The following NEU2 variants were observed in gnomAD, a reference collection of about 807,000 sequenced individuals.
The protein encoded by NEU2 is neuraminidase 2.
A neutral mutation model predicts 6.3 loss-of-function variants in NEU2; 7 were observed. The observed-to-expected ratio is 1.12, with a 90% CI of 0.63 to 2.10. The LOEUF is 2.10. Among genes scored for constraint, NEU2 ranks in the 30% most tolerant of loss-of-function variants. The pLI is 0.00. For synonymous variants in NEU2, 208 were observed against 223.3 expected, an observed-to-expected ratio of 0.93 and a Z score of 0.61; for missense variants, 509 against 504.0, an observed-to-expected ratio of 1.01 and a Z score of -0.09.
chr2:233,034,316 G>T lies in NEU2; in HGVS notation c.402G>T (p.Arg134Ser), dbSNP rs1282062827. Residue 134 changes from arginine (R) to serine (S), a missense_variant, in exon 2 of 2, where the codon AGG becomes AGT. Physicochemically the swap from Arg to Ser is moderately radical, Grantham distance 110. Coordinates refer to ENST00000233840, the MANE Select transcript of NEU2 (RefSeq NM_005383.2). This position sits in a 1 kb window ranked among gnomAD's most constrained non-coding sequence, Gnocchi z 4.8. ...AAGTCACCAGCACTGACCACGGGAG[G>T]ACCTGGAGCTCCCCCAGAGACCTCA... ...LCQVTSTDHG[R>S]TWSSPRDLTD... is the part of the protein sequence containing the mutation. The T allele has an allele frequency of 6.2e-7, 1 of 1,614,000 alleles. No individual in the cohort carries two copies. The highest frequency in any genetic ancestry group is 1.7e-5 in the Admixed American group (1 of 60,002).
Position 233,032,752 on chromosome 2 carries a change from C to T in NEU2, c.81C>T (p.Tyr27=), listed in dbSNP as rs763460984. The T allele has an allele frequency of 6.2e-7, 1 of 1,614,242 alleles. No individual in the cohort carries two copies. The highest frequency in any genetic ancestry group is 1.1e-5 in the South Asian group (1 of 91,090). Residue 27 remains tyrosine (Y), a synonymous_variant, in exon 1 of 2, where the codon TAC becomes TAT. Transcript: ENST00000233840. ...AHAYRIPALL[Y]LPGQQSLLAF... is the part of the protein sequence containing the mutation. ...CCTACAGAATCCCTGCCCTGCTCTA[C>T]CTGCCTGGGCAGCAGTCCCTGCTGG... is the stretch of plus-strand genomic sequence containing the variant.
rs931644840 is a variant in NEU2 at position 233,034,431 on chromosome 2, A to T, written c.517A>T (p.Ser173Cys). 23 of 1,613,798 alleles carry T rather than the reference A, an allele frequency of 1.4e-5. No homozygotes were observed. The highest frequency in any genetic ancestry group is 2.7e-5 in the African/African-American group (2 of 74,878). Reference sequence around the variant, plus strand: ...TTTGCAGCTTCACGACAGGGCCCGGAGCCTGGTGGTGCCCGCCTACGCCTA... The same window carrying T: ...TTTGCAGCTTCACGACAGGGCCCGGTGCCTGGTGGTGCCCGCCTACGCCTA... ...HCLQLHDRARSLVVPAYAYRK... is the reference protein window; with the variant it reads ...HCLQLHDRARCLVVPAYAYRK... Residue 173 changes from serine to cysteine, a missense_variant, in exon 2 of 2, where the codon AGC becomes TGC. Coordinates refer to ENST00000233840, the MANE Select transcript of NEU2 (RefSeq NM_005383.2). The surrounding 1 kb of genome is among the most constrained non-coding windows in gnomAD (Gnocchi z 4.8).
In NEU2 at chr2:233,034,726, G is replaced by C; in HGVS notation, c.812G>C (p.Gly271Ala). 1 of 1,542,430 alleles carries C rather than the reference G, an allele frequency of 6.5e-7. No individual in the cohort carries two copies. The highest frequency in any genetic ancestry group is 8.7e-7 in the Non-Finnish European group (1 of 1,144,346). The change falls in exon 2 of 2, where the codon GGC becomes GCC. Residue 271 changes from glycine to alanine, a missense_variant. Coordinates refer to ENST00000233840, the MANE Select transcript of NEU2 (RefSeq NM_005383.2). The surrounding 1 kb of genome is among the most constrained non-coding windows in gnomAD (Gnocchi z 4.8). ...VKKLVEPPPQGCQGSVISFPS... is the reference protein window; with the variant it reads ...VKKLVEPPPQACQGSVISFPS... The stretch of plus-strand genomic sequence containing the variant: ...AAGCTGGTGGAGCCGCCGCCCCAGG[G>C]CTGCCAGGGGAGCGTCATCAGCTTC...
In NEU2 at chr2:233,034,192, C is replaced by T. The variant is rs140090973; in HGVS notation, c.278C>T (p.Ala93Val). Residue 93 changes from alanine (A) to valine (V), a missense_variant, in exon 2 of 2, where the codon GCG (alanine) becomes GTG (valine). Coordinates refer to ENST00000233840, the MANE Select transcript of NEU2 (RefSeq NM_005383.2). This position sits in a 1 kb window ranked among gnomAD's most constrained non-coding sequence, Gnocchi z 4.8. ...ATGAACCCATGCCCCTTGTATGACGCGCAGACGGGGACCCTCTTCCTCTTC... is the reference window on the plus strand; with the variant it reads ...ATGAACCCATGCCCCTTGTATGACGTGCAGACGGGGACCCTCTTCCTCTTC... Reference protein sequence around the residue: ...RSMNPCPLYDAQTGTLFLFFI... With the variant: ...RSMNPCPLYDVQTGTLFLFFI... The T allele has an allele frequency of 3.9e-5, 63 of 1,614,130 alleles. No homozygotes were observed. The African/African-American group carries it at 4.9e-4, about 13-fold the overall frequency.
Position 233,034,599 on chromosome 2 carries a change from C to T in NEU2, c.685C>T (p.Gln229Ter), listed in dbSNP as rs560427591. 3.7e-6 allele frequency: 6 copies of T among 1,613,686 alleles called. No homozygotes were observed. The East Asian group carries it at 1.3e-4, about 36-fold the overall frequency. The change falls in exon 2 of 2, where the codon CAG (glutamine) becomes TAG (stop). Residue 229 changes from glutamine (Q) to a stop codon, truncating the protein, a stop_gained. Transcript: ENST00000233840. LOFTEE classifies it low-confidence loss of function (END_TRUNC). The surrounding 1 kb of genome is among the most constrained non-coding windows in gnomAD (Gnocchi z 4.8). ...CQVAEVETGE[Q>*]RVVTLNARSH... ...GGTGGCCGAAGTCGAGACTGGGGAG[C>T]AGAGGGTGGTGACCCTCAACGCGAG...
chr2:233,035,035 C>A lies in NEU2; in HGVS notation c.1121C>A (p.Pro374Gln), dbSNP rs373144878. 1 of 1,604,702 alleles carries A rather than the reference C, an allele frequency of 6.2e-7. No homozygotes were observed. The highest frequency in any genetic ancestry group is 1.3e-5 in the African/African-American group (1 of 74,822). ...FLMFTLKQAFPAEYLPQ is the reference protein window; with the variant it reads ...FLMFTLKQAFQAEYLPQ ...ATGTTCACCCTGAAGCAAGCCTTCCCAGCTGAGTACCTGCCTCAGTGAGCC... is the reference window on the plus strand; with the variant it reads ...ATGTTCACCCTGAAGCAAGCCTTCCAAGCTGAGTACCTGCCTCAGTGAGCC... The change falls in exon 2 of 2, where the codon CCA (proline) becomes CAA (glutamine). Residue 374 changes from proline to glutamine, a missense_variant. Physicochemically the swap from Pro to Gln is moderately conservative, Grantham distance 76. Transcript: ENST00000233840.
rs373489874 is a variant in NEU2, at chr2:233,034,762, G to T, written c.848G>T (p.Arg283Leu). Reference protein sequence around the residue: ...QGSVISFPSPRSGPGSPAQWL... With the variant: ...QGSVISFPSPLSGPGSPAQWL... ...AGCGTCATCAGCTTCCCCAGCCCCCGCTCGGGGCCTGGCTCCCCAGCCCAG... is the reference window on the plus strand; with the variant it reads ...AGCGTCATCAGCTTCCCCAGCCCCCTCTCGGGGCCTGGCTCCCCAGCCCAG... The change falls in exon 2 of 2, where the codon CGC becomes CTC. Residue 283 changes from arginine to leucine, a missense_variant. Transcript: ENST00000233840. This position sits in a 1 kb window ranked among gnomAD's most constrained non-coding sequence, Gnocchi z 4.8. 2.5e-5 allele frequency: 38 copies of T among 1,535,858 alleles called. No homozygotes were observed. The highest frequency in any genetic ancestry group is 1.4e-4 in the Admixed American group (7 of 49,140).
At chr2:233,032,997 C>A in intron 1 of NEU2, 125 bp downstream of exon 1, 3 of 1,037,482 alleles carry the variant, frequency 2.9e-6, no homozygotes, top group Non-Finnish European at 4.2e-6. Context: ...GGCTGTACTC[C>A]GGAGGAGAGA....
intron 1 of NEU2, among the ~76,000 whole-genome samples, chr2:233,033,665 T>C (rs943678501): frequency 6.6e-6 from 1 of 152,192 alleles, no homozygotes; most frequent in Non-Finnish European, 1.5e-5. Context: ...ATATGGAGTG[T>C]AGAAGGTGAG....
At position 233,034,418 on chromosome 2, in the gene NEU2, C is replaced by G; in HGVS notation, c.504C>G (p.His168Gln). 1.9e-6 allele frequency: 3 copies of G among 1,614,008 alleles called. No individual in the cohort carries two copies. Among genetic ancestry groups the G allele is most frequent in the Non-Finnish European group, 2.5e-6 (3 of 1,179,888 alleles). Residue 168 changes from histidine to glutamine, a missense_variant, in exon 2 of 2, where the codon CAC (histidine) becomes CAG (glutamine). By Grantham distance (24) the His-to-Gln change is conservative (BLOSUM62 0). Coordinates refer to ENST00000233840, the MANE Select transcript of NEU2 (RefSeq NM_005383.2). This position sits in a 1 kb window ranked among gnomAD's most constrained non-coding sequence, Gnocchi z 4.8. ...AVGPGHCLQLHDRARSLVVPA... is the reference protein window; with the variant it reads ...AVGPGHCLQLQDRARSLVVPA... The stretch of plus-strand genomic sequence containing the variant: ...GCCCGGGGCATTGTTTGCAGCTTCA[C>G]GACAGGGCCCGGAGCCTGGTGGTGC...
chr2:233,034,933 T>C lies in NEU2; in HGVS notation c.1019T>C (p.Met340Thr). ...GSCAYSDLQS[M>T]GTGPDGSPLF... ...TGTGCCTACTCAGACCTCCAGAGCA[T>C]GGGCACCGGCCCTGATGGGTCCCCC... The change falls in exon 2 of 2, where the codon ATG becomes ACG. Residue 340 changes from methionine to threonine, a missense_variant. By Grantham distance (81) the Met-to-Thr change is moderately conservative. Transcript: ENST00000233840. This position sits in a 1 kb window ranked among gnomAD's most constrained non-coding sequence, Gnocchi z 4.8. 6.2e-7 allele frequency: 1 copy of C among 1,614,164 alleles called. No individual in the cohort carries two copies. Among genetic ancestry groups the C allele is most frequent in the Non-Finnish European group, 8.5e-7 (1 of 1,180,028 alleles).
At position 233,034,888 on chromosome 2, in the gene NEU2, T is replaced by C; in HGVS notation, c.974T>C (p.Val325Ala). 1 of 1,614,084 alleles carries C rather than the reference T, an allele frequency of 6.2e-7. No homozygotes were observed. Among genetic ancestry groups the C allele is most frequent in the Non-Finnish European group, 8.5e-7 (1 of 1,179,988 alleles). The change falls in exon 2 of 2, where the codon GTA (valine) becomes GCA (alanine). Residue 325 changes from valine (V) to alanine (A), a missense_variant. Val to Ala is a moderately conservative substitution (Grantham distance 64). Coordinates refer to ENST00000233840, the MANE Select transcript of NEU2 (RefSeq NM_005383.2). This position sits in a 1 kb window ranked among gnomAD's most constrained non-coding sequence, Gnocchi z 4.8. ...PPAPEAWSEPVLLAKGSCAYS... is the reference protein window; with the variant it reads ...PPAPEAWSEPALLAKGSCAYS... ...GCCCCTGAGGCCTGGTCAGAGCCGG[T>C]ACTGCTGGCCAAGGGCAGCTGTGCC...
At position 233,034,118 on chromosome 2, in the gene NEU2, G is replaced by T; in HGVS notation, c.204G>T (p.Trp68Cys). 6.2e-7 allele frequency: 1 copy of T among 1,607,032 alleles called. No homozygotes were observed. Among genetic ancestry groups the T allele is most frequent in the Non-Finnish European group, 8.5e-7 (1 of 1,176,596 alleles). Reference sequence around the variant, plus strand: ...CTTCTTTCTCTCTCCCTACTCAGTGGCAAGCTCAGGAGGTGGTGGCCCAGG... The same window carrying T: ...CTTCTTTCTCTCTCCCTACTCAGTGTCAAGCTCAGGAGGTGGTGGCCCAGG... The part of the protein sequence containing the change: ...DYDAPTHQVQ[W>C]QAQEVVAQAR... Residue 68 changes from tryptophan to cysteine, a missense_variant and splice_region_variant, in exon 2 of 2, where the codon TGG (tryptophan) becomes TGT (cysteine). Transcript: ENST00000233840. The surrounding 1 kb of genome is among the most constrained non-coding windows in gnomAD (Gnocchi z 4.8).
chr2:233,034,039 C>T lies in NEU2; in HGVS notation c.202-77C>T. The T allele has an allele frequency of 1.5e-6, 2 of 1,309,428 alleles. No individual in the cohort carries two copies. Among genetic ancestry groups the T allele is most frequent in the Middle Eastern group, 2.6e-4 (1 of 3,916 alleles). 81.1% of individuals were successfully genotyped at this position (1,309,428 alleles called of 1,614,324 possible). On this transcript the variant is annotated intron_variant, in intron 1 of 1. Coordinates refer to ENST00000233840, the MANE Select transcript of NEU2 (RefSeq NM_005383.2). This position sits in a 1 kb window ranked among gnomAD's most constrained non-coding sequence, Gnocchi z 4.8. ...ACCCGGGAGACACACCCGTGCCCAC[C>T]CCTCCCACTCATGCAGCTCCTGGCA...
Position 233,034,445 on chromosome 2 carries a change from C to G in NEU2, c.531C>G (p.Pro177=). 6.2e-7 allele frequency: 1 copy of G among 1,614,002 alleles called. No individual in the cohort carries two copies. Among genetic ancestry groups the G allele is most frequent in the African/African-American group, 1.3e-5 (1 of 75,046 alleles). ...LHDRARSLVV[P]AYAYRKLHPI... is the part of the protein sequence containing the mutation. ...ACAGGGCCCGGAGCCTGGTGGTGCC[C>G]GCCTACGCCTACCGGAAACTTCACC... Residue 177 remains proline, a synonymous_variant, in exon 2 of 2, where the codon CCC becomes CCG. Coordinates refer to ENST00000233840, the MANE Select transcript of NEU2 (RefSeq NM_005383.2). The surrounding 1 kb of genome is among the most constrained non-coding windows in gnomAD (Gnocchi z 4.8).
chr2:233,034,816 C>T lies in NEU2; in HGVS notation c.902C>T (p.Ser301Phe), dbSNP rs1690567036. 1.3e-6 allele frequency: 2 copies of T among 1,589,620 alleles called. No homozygotes were observed. Among genetic ancestry groups the T allele is most frequent in the Middle Eastern group, 1.7e-4 (1 of 5,958 alleles). Residue 301 changes from serine to phenylalanine, a missense_variant, in exon 2 of 2, where the codon TCC (serine) becomes TTC (phenylalanine). Physicochemically the swap from Ser to Phe is radical, Grantham distance 155 (BLOSUM62 -2). Transcript: ENST00000233840. This position sits in a 1 kb window ranked among gnomAD's most constrained non-coding sequence, Gnocchi z 4.8. ...CTGCTCTACACTCACCCCACACACT[C>T]CTGGCAGAGGGCCGACCTGGGTGCC... ...QWLLYTHPTH[S>F]WQRADLGAYL...
At position 233,034,628 on chromosome 2, in the gene NEU2, C is replaced by A. The variant is rs747105915; in HGVS notation, c.714C>A (p.Ser238Arg). The A allele has an allele frequency of 1.2e-6, 2 of 1,606,180 alleles. No homozygotes were observed. Among genetic ancestry groups the A allele is most frequent in the Admixed American group, 1.7e-5 (1 of 59,398 alleles). ...GGGTGGTGACCCTCAACGCGAGAAG[C>A]CACCTCCGAGCCAGGGTCCAGGCCC... Reference protein sequence around the residue: ...EQRVVTLNARSHLRARVQAQS... With the variant: ...EQRVVTLNARRHLRARVQAQS... The change falls in exon 2 of 2, where the codon AGC (serine) becomes AGA (arginine). Residue 238 changes from serine to arginine, a missense_variant. Coordinates refer to ENST00000233840, the MANE Select transcript of NEU2 (RefSeq NM_005383.2). This position sits in a 1 kb window ranked among gnomAD's most constrained non-coding sequence, Gnocchi z 4.8.
chr2:233,034,587 G>A lies in NEU2; in HGVS notation c.673G>A (p.Glu225Lys), dbSNP rs759911096. The change falls in exon 2 of 2, where the codon GAG becomes AAG. Residue 225 changes from glutamate to lysine, a missense_variant. Coordinates refer to ENST00000233840, the MANE Select transcript of NEU2 (RefSeq NM_005383.2). This position sits in a 1 kb window ranked among gnomAD's most constrained non-coding sequence, Gnocchi z 4.8. ...CCTGGAGTGCCAGGTGGCCGAAGTC[G>A]AGACTGGGGAGCAGAGGGTGGTGAC... is the stretch of plus-strand genomic sequence containing the variant. ...DTLECQVAEVETGEQRVVTLN... is the reference protein window; with the variant it reads ...DTLECQVAEVKTGEQRVVTLN... 8.7e-6 allele frequency: 14 copies of A among 1,613,992 alleles called. No homozygotes were observed. Among genetic ancestry groups the A allele is most frequent in the Non-Finnish European group, 1.0e-5 (12 of 1,179,914 alleles).
intron 1 of NEU2, among the ~76,000 whole-genome samples, chr2:233,033,334 A>C (rs921298573): frequency 2.0e-5 from 3 of 152,194 alleles, no homozygotes; most frequent in Non-Finnish European, 4.4e-5. Flanking sequence ...TCATTACTAC[A>C]CAGCTGTTCA....
Sources: allele counts gnomAD v4.1 joint callset (sites outside exome capture counted in the v4.1 genomes callset), GRCh38; gene constraint gnomAD v4.1.1; non-coding constraint Gnocchi (gnomAD v3.1); transcripts MANE v1.5; gene names NCBI Gene and HGNC (gene_info 2026-07-23, HGNC 2026-07-21).